TMTC2: variants seen among roughly 807,000 people sequenced by gnomAD.
The protein encoded by TMTC2 is protein O-mannosyl-transferase TMTC2.
Under a neutral mutation model 82.4 loss-of-function variants are expected in TMTC2, and 43 were observed. The ratio of observed to expected loss-of-function variants is 0.52; its 90% CI spans 0.41 to 0.67. TMTC2 has a LOEUF of 0.67. Ranked by LOEUF, TMTC2 falls within the 30% of genes least tolerant of loss-of-function variation. TMTC2 has a pLI of 0.00. For missense variants in TMTC2, 919 were observed against 1,012.4 expected, an observed-to-expected ratio of 0.91 and a Z score of 1.25; for synonymous variants, 408 against 381.9, an observed-to-expected ratio of 1.07 and a Z score of -0.80.
chr12:83,134,603 T>TC lies in TMTC2; in HGVS notation c.*2215dup, dbSNP rs1231225371. The TC allele has an allele frequency of 1.5e-5, 1 of 67,856 alleles. No individual in the cohort carries two copies. The highest frequency in any genetic ancestry group is 2.7e-5 in the Non-Finnish European group (1 of 37,190). 4.2% of individuals were successfully genotyped at this position (67,856 alleles called of 1,614,324 possible). On this transcript the variant is annotated 3_prime_UTR_variant, in exon 12 of 12. Coordinates refer to ENST00000321196, the MANE Select transcript of TMTC2 (RefSeq NM_152588.3). Reference sequence around the variant, plus strand: ...GGCTGGACTTAGTAACTGACCAACTTCGGGGGGAGGGTTGGGGCAAGGGGG... The same window carrying TC: ...GGCTGGACTTAGTAACTGACCAACTTCCGGGGGGAGGGTTGGGGCAAGGGGG...
intron 4 of TMTC2, among the ~76,000 whole-genome samples, chr12:82,933,027 G>A (rs2137247142): frequency 6.6e-6 from 1 of 152,252 alleles, no homozygotes; most frequent in Admixed American, 6.5e-5. Context: ...ATCTGTACTG[G>A]AAGAGTGGTT....
intron 2 of TMTC2, among the ~76,000 whole-genome samples, chr12:82,884,631 A>C (rs895625125): frequency 2.0e-5 from 3 of 152,158 alleles, no homozygotes. Context: ...TATTTTTTAG[A>C]ACAGTTTTAG....
At position 82,860,481 on chromosome 12, in the gene TMTC2, T is replaced by C. The variant is rs569443433; in HGVS notation, c.654+2901T>C. Among the ~76,000 whole-genome samples, 12 of 152,250 alleles carry C rather than the reference T, an allele frequency of 7.9e-5. 1 individual carries two copies. Among genetic ancestry groups the C allele is most frequent in the African/African-American group, 2.9e-4 (12 of 41,556 alleles). On this transcript the variant is annotated intron_variant, in intron 2 of 11. Transcript: ENST00000321196. ...TAGGTAAAGTCAATTGACTGCCCAG[T>C]AGAAAGGAAACTAATATGGAATAGA...
chr12:82,790,522 A>G (rs948843431), intron 1 of TMTC2, among the ~76,000 whole-genome samples: 1 of 152,064 alleles, frequency 6.6e-6, no homozygotes, highest in Non-Finnish European at 1.5e-5. Flanking sequence ...ACCAGACTCA[A>G]TGTGTTTGAA....
At chr12:82,933,016 A>T (rs1332269085) in intron 4 of TMTC2, among the ~76,000 whole-genome samples, 1 of 152,128 alleles carries the variant, frequency 6.6e-6, no homozygotes, top group Non-Finnish European at 1.5e-5. Context: ...CCTAGCGAAA[A>T]ATCTGTACTG....
At chr12:82,950,337 C>T (rs1317535538) in intron 4 of TMTC2, among the ~76,000 whole-genome samples, 1 of 152,078 alleles carries the variant, frequency 6.6e-6, no homozygotes, top group African/African-American at 2.4e-5. Flanking sequence ...TGTTTTTAAA[C>T]TAGGAAAATA....
At chr12:82,798,191 G>C (rs371314178) in intron 1 of TMTC2, among the ~76,000 whole-genome samples, 4 of 150,312 alleles carry the variant, frequency 2.7e-5, no homozygotes, top group South Asian at 4.2e-4. Context: ...TCCTGACCTC[G>C]TGATCCACCT....
chr12:82,974,050 A>T (rs1878561016), intron 7 of TMTC2, among the ~76,000 whole-genome samples: 1 of 152,194 alleles, frequency 6.6e-6, no homozygotes, highest in African/African-American at 2.4e-5. Context: ...ATTCCCAAAT[A>T]GTTTCAATGT....
In TMTC2 at chr12:83,006,848, A is replaced by G. The variant is rs187854404; in HGVS notation, c.2070+20802A>G. ...CCATCATTCTCAGCAAACTATCACA[A>G]GGACAGAAAACCAAACACTGCATGT... is the stretch of plus-strand genomic sequence containing the variant. On this transcript the variant is annotated intron_variant, in intron 8 of 11. Coordinates refer to ENST00000321196, the MANE Select transcript of TMTC2 (RefSeq NM_152588.3). Among the ~76,000 whole-genome samples the G allele has an allele frequency of 6.6e-5, 10 of 152,288 alleles. No individual in the cohort carries two copies. The East Asian group carries it at 1.9e-3, about 29-fold the overall frequency.
intron 8 of TMTC2, among the ~76,000 whole-genome samples, chr12:82,999,152 A>G (rs1200120261): frequency 6.6e-6 from 1 of 152,092 alleles, no homozygotes; most frequent in Non-Finnish European, 1.5e-5. Flanking sequence ...TTTAGTAGTC[A>G]TGTCTCCTTA....
intron 1 of TMTC2, among the ~76,000 whole-genome samples, chr12:82,716,760 A>T (rs926461580): frequency 6.6e-6 from 1 of 152,160 alleles, no homozygotes; most frequent in Non-Finnish European, 1.5e-5. Flanking sequence ...TGTGTTTAAG[A>T]TTGCACTATA....
Position 82,974,461 on chromosome 12 carries a change from G to T in TMTC2, c.1948+7464G>T, listed in dbSNP as rs1240076852. Among the ~76,000 whole-genome samples the T allele has an allele frequency of 2.0e-5, 3 of 152,138 alleles. No individual in the cohort carries two copies. In the East Asian group the frequency reaches 5.8e-4, roughly 29 times the overall value. ...ACATCAGTTAGATGAAATAGACATA[G>T]TCATGTGGAAGAAGATAATTTTGTG... On this transcript the variant is annotated intron_variant, in intron 7 of 11. Transcript: ENST00000321196.
intron 1 of TMTC2, among the ~76,000 whole-genome samples, chr12:82,809,959 G>T (rs1397995125): frequency 1.3e-5 from 2 of 152,008 alleles, no homozygotes; most frequent in Non-Finnish European, 2.9e-5. Flanking sequence ...TCCAAATTAG[G>T]CTGGTCCTTT....
At chr12:82,837,172 T>C (rs1870092173) in intron 1 of TMTC2, among the ~76,000 whole-genome samples, 1 of 152,238 alleles carries the variant, frequency 6.6e-6, no homozygotes, top group Non-Finnish European at 1.5e-5. Context: ...ACAGCAGCTT[T>C]TGTTCTTAAC....
At chr12:83,046,551 C>T (rs1882137571) in intron 9 of TMTC2, among the ~76,000 whole-genome samples, 1 of 152,162 alleles carries the variant, frequency 6.6e-6, no homozygotes, top group South Asian at 2.1e-4. Flanking sequence ...TCCAAAGTGC[C>T]TGCCGTAATC....
chr12:83,010,547 T>C (rs1880409191), intron 8 of TMTC2, among the ~76,000 whole-genome samples: 1 of 152,186 alleles, frequency 6.6e-6, no homozygotes, highest in African/African-American at 2.4e-5. Context: ...GTCAGGGAGA[T>C]GAATTTGAGA....
intron 1 of TMTC2, among the ~76,000 whole-genome samples, chr12:82,699,523 G>A (rs764482515): frequency 6.6e-5 from 10 of 152,012 alleles, no homozygotes; most frequent in Non-Finnish European, 1.3e-4. Context: ...TTTGGAATAC[G>A]CTCATATTCA....
intron 3 of TMTC2, among the ~76,000 whole-genome samples, chr12:82,900,965 T>G (rs1362915954): frequency 2.1e-5 from 1 of 47,844 alleles, no homozygotes; most frequent in Non-Finnish European, 3.4e-5. Context: ...AATATATATA[T>G]AGGAATATAT....
intron 1 of TMTC2, among the ~76,000 whole-genome samples, chr12:82,812,400 A>C (rs116790887): frequency 1.3e-5 from 2 of 152,094 alleles, no homozygotes; most frequent in Admixed American, 6.5e-5. Context: ...TAATGGCCCA[A>C]CTGGAAATCT....
Sources: gnomAD v4.1 joint callset for allele counts (sites outside exome capture counted in the v4.1 genomes callset) on GRCh38, gnomAD v4.1.1 for gene constraint, MANE v1.5 for transcripts, NCBI Gene and HGNC (gene_info 2026-07-23, HGNC 2026-07-21) for gene names.